Variants in SYNE1 observed in about 807,000 individuals in gnomAD.
SYNE1 encodes spectrin repeat containing nuclear envelope protein 1, also known as nesprin-1.
SYNE1 carries 616 observed loss-of-function variants against 1,111.0 expected under a neutral mutation model. The ratio of observed to expected loss-of-function variants is 0.55; its 90% CI spans 0.52 to 0.59. The LOEUF (loss-of-function observed/expected upper bound fraction) is 0.59. Ranked by LOEUF, SYNE1 falls within the 20% of genes least tolerant of loss-of-function variation. The pLI, the probability that SYNE1 is intolerant of heterozygous loss-of-function variation, is 0.00. For missense variants in SYNE1, 10,006 were observed against 10,417.0 expected, an observed-to-expected ratio of 0.96 and a Z score of 1.72; for synonymous variants, 3,855 against 3,825.8, an observed-to-expected ratio of 1.01 and a Z score of -0.28.
chr6:152,158,977 G>A (rs1303439556), intron 131 of SYNE1, among the ~76,000 whole-genome samples: 5 of 152,144 alleles, frequency 3.3e-5, no homozygotes, highest in Non-Finnish European at 5.9e-5. Context: ...TTTTGAGACG[G>A]AGTCTCGCTC....
chr6:152,375,316 T>A (rs971674191), intron 58 of SYNE1, among the ~76,000 whole-genome samples: 2 of 152,130 alleles, frequency 1.3e-5, no homozygotes, highest in African/African-American at 4.8e-5. Context: ...ACCAAGAATT[T>A]AAAAAGGTGA....
At position 152,347,189 on chromosome 6, in the gene SYNE1, A is replaced by C. The variant is rs2096652303; in HGVS notation, c.11948T>G (p.Leu3983Arg). 6.2e-7 allele frequency: 1 copy of C among 1,614,080 alleles called. No individual in the cohort carries two copies. Among genetic ancestry groups the C allele is most frequent in the Non-Finnish European group, 8.5e-7 (1 of 1,180,044 alleles). Residue 3983 changes from leucine to arginine, a missense_variant, in exon 73 of 146, where the codon CTT becomes CGT. By Grantham distance (102) the Leu-to-Arg change is moderately radical (BLOSUM62 -2). Transcript: ENST00000367255. ...IAGFEDRLNN[L>R]QMKGDTLIGQ... Reference sequence around the variant, plus strand: ...AATCAAAGTATCACCTTTCATTTGAAGATTGTTCAAACGGTCTTCAAAACC... The same window carrying C: ...AATCAAAGTATCACCTTTCATTTGACGATTGTTCAAACGGTCTTCAAAACC...
At chr6:152,168,115 T>G (rs1414942768) in intron 130 of SYNE1, 1 of 780,382 alleles carries the variant, frequency 1.3e-6, no homozygotes, top group Admixed American at 1.7e-5. Context: ...ATGCCTGCCT[T>G]GTGACATCGC....
intron 46 of SYNE1, among the ~76,000 whole-genome samples, chr6:152,403,223 C>T (rs1438358799): frequency 6.6e-6 from 1 of 152,166 alleles, no homozygotes; most frequent in African/African-American, 2.4e-5. Context: ...AGAGACCCAC[C>T]ATGCTGGATG....
intron 91 of SYNE1, among the ~76,000 whole-genome samples, chr6:152,305,608 T>C (rs1376208529): frequency 6.6e-6 from 1 of 152,182 alleles, no homozygotes; most frequent in East Asian, 1.9e-4. Context: ...CATAAATAAA[T>C]GATCAGTTAT....
At chr6:152,164,039 C>T (rs2063096675) in intron 131 of SYNE1, 124 bp downstream of exon 131, 4 of 1,336,368 alleles carry the variant, frequency 3.0e-6, no homozygotes, top group Admixed American at 1.7e-5. Context: ...CCTTCCTCAC[C>T]AGTCCTGCCT....
At chr6:152,518,321 T>C (rs1002678154) in intron 6 of SYNE1, among the ~76,000 whole-genome samples, 1 of 151,810 alleles carries the variant, frequency 6.6e-6, no homozygotes, top group Admixed American at 6.6e-5. Context: ...TGGGAAGCGA[T>C]TGAACAGGAG....
chr6:152,623,916 T>G (rs2099680834), intron 3 of SYNE1, among the ~76,000 whole-genome samples: 1 of 136,502 alleles, frequency 7.3e-6, no homozygotes, highest in East Asian at 2.2e-4. Context: ...GACTTTTCAG[T>G]ATACTTCTGT....
At chr6:152,138,575 A>G (rs958118222) in intron 140 of SYNE1, among the ~76,000 whole-genome samples, 4 of 151,768 alleles carry the variant, frequency 2.6e-5, no homozygotes, top group Non-Finnish European at 5.9e-5. Flanking sequence ...ACAAAATCAC[A>G]CAATCACTAA....
intron 130 of SYNE1, among the ~76,000 whole-genome samples, chr6:152,166,977 A>G (rs2063793057): frequency 6.6e-6 from 1 of 152,210 alleles, no homozygotes; most frequent in Non-Finnish European, 1.5e-5. Context: ...GAAGCGTCAC[A>G]GTATTTTTAT....
At chr6:152,256,927 T>C (rs2090992142) in intron 101 of SYNE1, among the ~76,000 whole-genome samples, 162 bp from the exon 102 acceptor site, 1 of 151,762 alleles carries the variant, frequency 6.6e-6, no homozygotes. Context: ...CTGAACACAG[T>C]GGCCAGATGC....
chr6:152,361,258 G>A (rs1400571126), intron 64 of SYNE1, among the ~76,000 whole-genome samples: 1 of 152,234 alleles, frequency 6.6e-6, no homozygotes, highest in African/African-American at 2.4e-5. Flanking sequence ...TGAAGGAAAG[G>A]AGCATGGCAG....
At chr6:152,249,970 A>C (rs1458665705) in intron 104 of SYNE1, among the ~76,000 whole-genome samples, 1 of 152,170 alleles carries the variant, frequency 6.6e-6, no homozygotes, top group Admixed American at 6.5e-5. Flanking sequence ...GAATATTTAA[A>C]TTATAAAAAA....
chr6:152,574,147 T>C (rs2099486113), intron 3 of SYNE1, among the ~76,000 whole-genome samples: 1 of 149,604 alleles, frequency 6.7e-6, no homozygotes, highest in Admixed American at 6.7e-5. Context: ...TATAATGGGA[T>C]ATACACATAT....
At chr6:152,318,793 C>A in intron 85 of SYNE1, 70 bp downstream of exon 85, 1 of 1,583,516 alleles carries the variant, frequency 6.3e-7, no homozygotes, top group Non-Finnish European at 8.6e-7. Flanking sequence ...TATCCTATAT[C>A]CCCAAGTAAA....
intron 22 of SYNE1, 67 bp from the exon 23 acceptor site, chr6:152,456,111 T>C: frequency 2.0e-6 from 3 of 1,536,066 alleles, no homozygotes; most frequent in Non-Finnish European, 2.7e-6. Flanking sequence ...AGAAAGAGAG[T>C]GACCATTACA....
At chr6:152,486,179 G>A (rs1220380440) in intron 12 of SYNE1, among the ~76,000 whole-genome samples, 2 of 151,168 alleles carry the variant, frequency 1.3e-5, no homozygotes, top group African/African-American at 4.9e-5. Flanking sequence ...CCAGCTTGGC[G>A]ACAGAGTGAC....
At chr6:152,482,032 G>T (rs2098906165) in intron 14 of SYNE1, among the ~76,000 whole-genome samples, 1 of 151,970 alleles carries the variant, frequency 6.6e-6, no homozygotes, top group Admixed American at 6.6e-5. Flanking sequence ...GTGTCTAAAG[G>T]CACTGAGTAT....
chr6:152,208,243 T>C, intron 124 of SYNE1, 37 bp from the exon 125 acceptor site: 2 of 1,579,082 alleles, frequency 1.3e-6, no homozygotes, highest in South Asian at 2.2e-5. Context: ...AAAAGCACTG[T>C]TATCTTGGAT....
Sources: allele counts gnomAD v4.1 joint callset (sites outside exome capture counted in the v4.1 genomes callset), GRCh38; gene constraint gnomAD v4.1.1; transcripts MANE v1.5; gene names NCBI Gene and HGNC (gene_info 2026-07-23, HGNC 2026-07-21).